The following CNTN1 variants were observed in gnomAD, a reference collection of about 807,000 sequenced individuals.
CNTN1 encodes contactin-1.
A neutral mutation model predicts 126.4 loss-of-function variants in CNTN1; 38 were observed. The ratio of observed to expected loss-of-function variants is 0.30; its 90% CI spans 0.23 to 0.39. The LOEUF is 0.39. Ranked by LOEUF, CNTN1 falls within the 10% of genes least tolerant of loss-of-function variation. CNTN1 has a pLI of 1.00. For missense variants in CNTN1, 1,009 were observed against 1,248.4 expected (o/e 0.81, Z 2.89); for synonymous variants, 413 against 422.6 (o/e 0.98, Z 0.28).
At chr12:40,917,055 T>TG (rs1203877999) in intron 3 of CNTN1, among the ~76,000 whole-genome samples, 380 of 9,454 alleles carry the variant, frequency 0.04, no homozygotes, top group African/African-American at 0.23. Flanking sequence ...ATACCAGTGG[T>TG]GGGGGCGGGG....
chr12:41,035,547 A>C (rs528213020), intron 23 of CNTN1, among the ~76,000 whole-genome samples: 1 of 152,326 alleles, frequency 6.6e-6, no homozygotes, highest in South Asian at 2.1e-4. Context: ...TAAAGAACCA[A>C]CAAACAAATA....
chr12:40,894,371 T>C (rs1944335970), intron 1 of CNTN1, among the ~76,000 whole-genome samples: 1 of 152,170 alleles, frequency 6.6e-6, no homozygotes, highest in Non-Finnish European at 1.5e-5. Context: ...AGAGTGAATG[T>C]TGATTTAAAC....
rs187406943 is a variant in CNTN1, at chr12:40,937,852, C to T, written c.1228+165C>T. Among the ~76,000 whole-genome samples the T allele has an allele frequency of 5.3e-5, 8 of 152,186 alleles. No homozygotes were observed. In the East Asian group the frequency reaches 7.7e-4, roughly 15 times the overall value. On this transcript the variant is annotated intron_variant, in intron 11 of 23. Coordinates refer to ENST00000551295, the MANE Select transcript of CNTN1 (RefSeq NM_001843.4). The stretch of plus-strand genomic sequence containing the variant: ...TGCTAATTATCATAATTCAGACTAA[C>T]GAAACAATGGAATAGAATGAATCTT...
intron 1 of CNTN1, among the ~76,000 whole-genome samples, chr12:40,893,989 C>A (rs10879335): frequency 6.6e-6 from 1 of 151,820 alleles, no homozygotes; most frequent in Non-Finnish European, 1.5e-5. Flanking sequence ...TAGCAACATC[C>A]TTACACTCTA....
At chr12:40,782,929 TA>T (rs1253292725) in intron 1 of CNTN1, among the ~76,000 whole-genome samples, 1 of 151,606 alleles carries the variant, frequency 6.6e-6, no homozygotes, top group African/African-American at 2.4e-5. Context: ...GCCAGAGACA[TA>T]AAGGAAATAA....
In CNTN1 at chr12:40,908,507, T is replaced by C; in HGVS notation, c.61+14T>C. On this transcript the variant is annotated intron_variant, in intron 2 of 23. Coordinates refer to ENST00000551295, the MANE Select transcript of CNTN1 (RefSeq NM_001843.4). ...CCTGTTTAGCAGGTAAGAAATATCC[T>C]TTGTATATTCTACATATATTATGTC... 1 of 1,541,268 alleles carries C rather than the reference T, an allele frequency of 6.5e-7. No individual in the cohort carries two copies. The highest frequency in any genetic ancestry group is 9.0e-7 in the Non-Finnish European group (1 of 1,116,210).
chr12:40,935,933 GC>G (rs1270867732), intron 9 of CNTN1, among the ~76,000 whole-genome samples: 1 of 151,736 alleles, frequency 6.6e-6, no homozygotes, highest in African/African-American at 2.4e-5. Context: ...TATTGCTTTT[GC>G]CATAAAATTA....
At chr12:40,978,671 T>C (rs933608998) in intron 15 of CNTN1, 1 of 152,216 alleles carries the variant, frequency 6.6e-6, no homozygotes, top group Non-Finnish European at 1.5e-5. Context: ...TGAATTATTA[T>C]GCATATAATG....
At chr12:40,860,196 C>T (rs1365863365) in intron 1 of CNTN1, among the ~76,000 whole-genome samples, 1 of 151,940 alleles carries the variant, frequency 6.6e-6, no homozygotes, top group Admixed American at 6.6e-5. Flanking sequence ...AGTCAGTTTG[C>T]CAGGATATAA....
At chr12:40,969,870 G>A (rs1488359014) in intron 15 of CNTN1, among the ~76,000 whole-genome samples, 1 of 152,136 alleles carries the variant, frequency 6.6e-6, no homozygotes, top group Non-Finnish European at 1.5e-5. Flanking sequence ...AATCTTATTA[G>A]TAGCAAATTA....
At chr12:40,881,255 A>G (rs1440879029) in intron 1 of CNTN1, among the ~76,000 whole-genome samples, 3 of 151,946 alleles carry the variant, frequency 2.0e-5, no homozygotes, top group Non-Finnish European at 2.9e-5. Context: ...GGGTTGGATG[A>G]AAGAACACTT....
chr12:40,854,432 A>T (rs1261206827), intron 1 of CNTN1, among the ~76,000 whole-genome samples: 1 of 152,108 alleles, frequency 6.6e-6, no homozygotes, highest in Non-Finnish European at 1.5e-5. Flanking sequence ...GTTTCATCTC[A>T]TCTCATATTT....
chr12:40,987,436 G>C (rs578045036), intron 16 of CNTN1, among the ~76,000 whole-genome samples: 1 of 152,294 alleles, frequency 6.6e-6, no homozygotes, highest in South Asian at 2.1e-4. Context: ...AAGATGCTCA[G>C]GTCGTTGTTA....
chr12:40,933,828 C>G lies in CNTN1; in HGVS notation c.935C>G (p.Ala312Gly). 6.2e-7 allele frequency: 1 copy of G among 1,612,398 alleles called. No individual in the cohort carries two copies. Among genetic ancestry groups the G allele is most frequent in the South Asian group, 1.1e-5 (1 of 91,044 alleles). The change falls in exon 9 of 24, where the codon GCT becomes GGT. Residue 312 changes from alanine to glycine, a missense_variant. Ala to Gly is a moderately conservative substitution (Grantham distance 60). Transcript: ENST00000551295. ...LEDEGIYECE[A>G]ENIRGKDKHQ... ...GATGAAGGCATCTATGAATGTGAGG[C>G]TGAGAACATTAGAGGAAAGGATAAA...
At chr12:40,946,396 G>A (rs1205209650) in intron 14 of CNTN1, among the ~76,000 whole-genome samples, 6 of 151,952 alleles carry the variant, frequency 3.9e-5, no homozygotes, top group African/African-American at 1.2e-4. Flanking sequence ...ATTTTATGTA[G>A]TTCTCCCAAT....
chr12:40,851,319 AGT>A (rs1444345593), intron 1 of CNTN1, among the ~76,000 whole-genome samples: 3 of 152,186 alleles, frequency 2.0e-5, no homozygotes, highest in Non-Finnish European at 2.9e-5. Context: ...GCATTTTTCC[AGT>A]GCACTGGGGA....
At chr12:40,988,416 T>C (rs1382029547) in intron 16 of CNTN1, among the ~76,000 whole-genome samples, 1 of 152,142 alleles carries the variant, frequency 6.6e-6, no homozygotes, top group Non-Finnish European at 1.5e-5. Flanking sequence ...GGGGCTTACA[T>C]TGGCTGGAGT....
At chr12:40,745,785 C>T (rs936125653) in intron 1 of CNTN1, among the ~76,000 whole-genome samples, 38 of 152,062 alleles carry the variant, frequency 2.5e-4, no homozygotes, top group African/African-American at 8.0e-4. Context: ...GAAACATATT[C>T]GGGGTTAAAA....
intron 1 of CNTN1, among the ~76,000 whole-genome samples, chr12:40,847,405 AT>A (rs1942552292): frequency 6.6e-6 from 1 of 152,044 alleles, no homozygotes; most frequent in Non-Finnish European, 1.5e-5. Flanking sequence ...TTTTAATTAT[AT>A]TTTTCCACAA....
Sources: allele counts gnomAD v4.1 joint callset (sites outside exome capture counted in the v4.1 genomes callset), GRCh38; gene constraint gnomAD v4.1.1; transcripts MANE v1.5; gene names NCBI Gene and HGNC (gene_info 2026-07-23, HGNC 2026-07-21).